GRAMD4: variants seen among roughly 807,000 people sequenced by gnomAD.
The protein encoded by GRAMD4 is GRAM domain-containing protein 4.
GRAMD4 carries 25 observed loss-of-function variants against 83.9 expected under a neutral mutation model. The observed-to-expected ratio is 0.30, with a 90% CI of 0.22 to 0.42. The LOEUF (loss-of-function observed/expected upper bound fraction) is 0.42, where lower values mean the gene tolerates loss of function less well. GRAMD4 is among the 10% of genes least tolerant of loss of function. GRAMD4 has a pLI of 1.00. For synonymous variants in GRAMD4, 336 were observed against 320.9 expected, an observed-to-expected ratio of 1.05 and a Z score of -0.50; for missense variants, 593 against 788.7, an observed-to-expected ratio of 0.75 and a Z score of 2.97.
intron 1 of GRAMD4, among the ~76,000 whole-genome samples, chr22:46,592,055 G>C (rs1046082948): frequency 9.9e-5 from 15 of 152,128 alleles, no homozygotes; most frequent in African/African-American, 3.6e-4. Flanking sequence ...GGGCATCACG[G>C]CACATTCCAG....
chr22:46,664,728 G>A (rs6008943), intron 8 of GRAMD4, among the ~76,000 whole-genome samples: 2,388 of 152,358 alleles, frequency 0.016, 70 homozygotes, highest in African/African-American at 0.055. Context: ...CCAGCACGAG[G>A]AAGATGCAGG....
rs1206735242 is a variant in GRAMD4, at chr22:46,668,918, T to G, written c.1084+10T>G. On this transcript the variant is annotated intron_variant, in intron 13 of 18. Coordinates refer to ENST00000406902, the MANE Select transcript of GRAMD4 (RefSeq NM_015124.5). ...GTGGGGCTTGCCGTGGGTAAGTAGA[T>G]GCACCTGCGGCCTGTAGCTTCAGGA... 2 of 1,477,372 alleles carry G rather than the reference T, an allele frequency of 1.4e-6. No individual in the cohort carries two copies. The highest frequency in any genetic ancestry group is 2.3e-5 in the South Asian group (2 of 88,446). The allele number at this position is 1,477,372 out of a possible 1,614,324, so 91.5% of individuals were successfully genotyped here.
chr22:46,611,296 G>A (rs2081414714), intron 1 of GRAMD4, among the ~76,000 whole-genome samples: 1 of 152,150 alleles, frequency 6.6e-6, no homozygotes. Context: ...TCTAGGCAGA[G>A]GGGCCTATGA....
At chr22:46,588,920 C>T (rs572861937) in intron 1 of GRAMD4, among the ~76,000 whole-genome samples, 3 of 152,334 alleles carry the variant, frequency 2.0e-5, no homozygotes, top group African/African-American at 7.2e-5. Flanking sequence ...TCTCCCCACC[C>T]CCTCCCACAG....
chr22:46,661,759 G>T (rs2082331133), intron 5 of GRAMD4, among the ~76,000 whole-genome samples: 1 of 152,248 alleles, frequency 6.6e-6, no homozygotes, highest in South Asian at 2.1e-4. Context: ...TTGCCCCACG[G>T]AACAGTGATG....
Position 46,679,463 on chromosome 22 carries a change from C to T in GRAMD4, c.*2212C>T, listed in dbSNP as rs2082645408. The stretch of plus-strand genomic sequence containing the variant: ...AAGTCCTCGGGAGCGGAGCGCGGAT[C>T]GGCACGGGCTCTGGGCTCCCCGTGG... On this transcript the variant is annotated 3_prime_UTR_variant, in exon 19 of 19. Coordinates refer to ENST00000406902, the MANE Select transcript of GRAMD4 (RefSeq NM_015124.5). The T allele has an allele frequency of 6.1e-6, 6 of 985,572 alleles. No homozygotes were observed. The highest frequency in any genetic ancestry group is 1.7e-5 in the African/African-American group (1 of 57,372). 61.1% of individuals were successfully genotyped at this position (985,572 alleles called of 1,614,324 possible).
chr22:46,582,649 G>C (rs1219814926), intron 1 of GRAMD4, among the ~76,000 whole-genome samples: 1 of 152,192 alleles, frequency 6.6e-6, no homozygotes, highest in African/African-American at 2.4e-5. Context: ...GAGTTGGGTA[G>C]GGCCAGGAGC....
chr22:46,653,135 C>A (rs2082191635), intron 3 of GRAMD4, among the ~76,000 whole-genome samples: 1 of 152,198 alleles, frequency 6.6e-6, no homozygotes, highest in African/African-American at 2.4e-5. Flanking sequence ...CGACACTGGG[C>A]AAAGGTGGGA....
upstream of GRAMD4, among the ~76,000 whole-genome samples, chr22:46,617,311 T>C (rs539525514): frequency 8.1e-5 from 12 of 148,698 alleles, no homozygotes; most frequent in Admixed American, 6.7e-4. Context: ...TAGGTTCCCC[T>C]GTGTGTACGT....
At chr22:46,617,520 C>T (rs757418646), upstream of GRAMD4, among the ~76,000 whole-genome samples, 8 of 149,886 alleles carry the variant, frequency 5.3e-5, no homozygotes, top group Non-Finnish European at 1.2e-4. Flanking sequence ...TTCCCTTGTG[C>T]GTGTAGGTTC....
At chr22:46,613,309 T>A (rs897417012) in intron 1 of GRAMD4, among the ~76,000 whole-genome samples, 5 of 152,214 alleles carry the variant, frequency 3.3e-5, no homozygotes, top group African/African-American at 1.2e-4. Flanking sequence ...CGCGACCCAC[T>A]GCATGCCTGT....
At chr22:46,638,041 G>A in intron 3 of GRAMD4, 81 bp downstream of exon 3, 2 of 1,489,178 alleles carry the variant, frequency 1.3e-6, no homozygotes, top group South Asian at 2.4e-5. Context: ...TCTTGCCCAG[G>A]AGCTGGGTCT....
At chr22:46,663,285 CTGCCGAGAG>C (rs2082357791) in intron 6 of GRAMD4, 113 bp downstream of exon 6, 1 of 1,021,668 alleles carries the variant, frequency 9.8e-7, no homozygotes, top group African/African-American at 1.6e-5. Context: ...GTCTGTGAGG[CTGCCGAGAG>C]CTCCTGGAGG....
At chr22:46,598,771 C>G (rs1285392407) in intron 1 of GRAMD4, among the ~76,000 whole-genome samples, 1 of 151,972 alleles carries the variant, frequency 6.6e-6, no homozygotes, top group African/African-American at 2.4e-5. Flanking sequence ...AAAGCCAAGT[C>G]CTCAAAATCC....
At position 46,667,985 on chromosome 22, in the gene GRAMD4, G is replaced by A. The variant is rs145126872; in HGVS notation, c.859-111G>A. 875 of 732,678 alleles carry A rather than the reference G, an allele frequency of 1.2e-3. 5 individuals are homozygous for A. In the African/African-American group the frequency reaches 0.014, roughly 11 times the overall value. The allele number at this position is 732,678 out of a possible 1,614,324, so 45.4% of individuals were successfully genotyped here. ...AAGGGATGTCCCATCCCCCCTGGCT[G>A]TGTGGGGACAGCAGAGTCCCTGGGG... is the stretch of plus-strand genomic sequence containing the variant. On this transcript the variant is annotated intron_variant, in intron 10 of 18. Coordinates refer to ENST00000406902, the MANE Select transcript of GRAMD4 (RefSeq NM_015124.5).
chr22:46,648,747 CATGGATGG>C (rs2082112110), intron 3 of GRAMD4, among the ~76,000 whole-genome samples: 1 of 34,134 alleles, frequency 2.9e-5, no homozygotes, highest in African/African-American at 1.1e-4. Context: ...TGGATGGATG[CATGGATGG>C]ATGGATGGAT....
intron 1 of GRAMD4, among the ~76,000 whole-genome samples, chr22:46,612,017 A>AAAG (rs1364778057): frequency 1.3e-5 from 2 of 150,206 alleles, no homozygotes; most frequent in Admixed American, 6.6e-5. Context: ...AAAAAAAAAA[A>AAAG]AGAAGAGACA....
intron 3 of GRAMD4, among the ~76,000 whole-genome samples, chr22:46,643,084 T>TATCCATCGATCCATCC: frequency 1.3e-5 from 1 of 76,416 alleles, no homozygotes; most frequent in African/African-American, 6.5e-5. Context: ...TCTATCCATT[T>TATCCATCGATCCATCC]ATCCATCCAT....
At chr22:46,667,026 G>A (rs924470548) in intron 10 of GRAMD4, among the ~76,000 whole-genome samples, 153 bp downstream of exon 10, 1 of 152,122 alleles carries the variant, frequency 6.6e-6, no homozygotes, top group South Asian at 2.1e-4. Flanking sequence ...GGAGGAGGAG[G>A]CCAGCCCCTC....
Sources: gnomAD v4.1 joint callset for allele counts (sites outside exome capture counted in the v4.1 genomes callset) on GRCh38, gnomAD v4.1.1 for gene constraint, MANE v1.5 for transcripts, NCBI Gene and HGNC (gene_info 2026-07-23, HGNC 2026-07-21) for gene names.